CNTN5: variants seen among roughly 807,000 people sequenced by gnomAD.
The protein encoded by CNTN5 is contactin 5.
In CNTN5, 77 loss-of-function variants were observed where a neutral mutation model predicts 129.1. That is an observed-to-expected ratio of 0.60 (90% confidence interval 0.50 to 0.72). The LOEUF (loss-of-function observed/expected upper bound fraction) is 0.72. Ranked by LOEUF, CNTN5 falls within the 30% of genes least tolerant of loss-of-function variation. The probability of loss-of-function intolerance (pLI) is 0.00; values close to 1 mark genes in which losing one functional copy is unlikely to be tolerated. For missense variants in CNTN5, 1,478 were observed against 1,328.8 expected (o/e 1.11, Z -1.75); for synonymous variants, 509 against 465.6 (o/e 1.09, Z -1.20).
intron 9 of CNTN5, among the ~76,000 whole-genome samples, chr11:100,009,776 T>C (rs1369567367): frequency 6.6e-6 from 1 of 152,190 alleles, no homozygotes; most frequent in Non-Finnish European, 1.5e-5. Flanking sequence ...AGAAATGATC[T>C]GGGTCAGGAT....
intron 2 of CNTN5, among the ~76,000 whole-genome samples, chr11:99,421,158 A>G (rs549143281): frequency 6.7e-6 from 1 of 149,182 alleles, no homozygotes; most frequent in African/African-American, 2.6e-5. Flanking sequence ...TTTCCGCCTA[A>G]TAAATATTCA....
chr11:99,207,545 A>G (rs1323052411), intron 1 of CNTN5, among the ~76,000 whole-genome samples: 1 of 152,200 alleles, frequency 6.6e-6, no homozygotes, highest in Admixed American at 6.5e-5. Flanking sequence ...TAACATCACT[A>G]TAACAAGGTT....
intron 1 of CNTN5, among the ~76,000 whole-genome samples, chr11:99,080,986 T>TTTTG (rs1276887007): frequency 2.6e-5 from 4 of 151,250 alleles, no homozygotes; most frequent in African/African-American, 9.7e-5. Flanking sequence ...ATCAGTTTTT[T>TTTTG]TTTTTTTTTT....
Position 100,191,229 on chromosome 11 carries a change from A to G in CNTN5, c.1684A>G (p.Ile562Val), listed in dbSNP as rs1426222262. 5 of 1,612,584 alleles carry G rather than the reference A, an allele frequency of 3.1e-6. No individual in the cohort carries two copies. The African/African-American group carries it at 6.7e-5, about 22-fold the overall frequency. The change falls in exon 14 of 25, where the codon ATT becomes GTT. Residue 562 changes from isoleucine (I) to valine (V), a missense_variant. By Grantham distance (29) the Ile-to-Val change is conservative (BLOSUM62 3). Transcript: ENST00000524871. ...RGENVFGSAEIIASLSVKEPT... is the reference protein window; with the variant it reads ...RGENVFGSAEVIASLSVKEPT... ...GGAAAACGTCTTTGGTTCTGCTGAA[A>G]TTATAGCTTCGCTATCTGTAAAAGG...
At chr11:99,689,630 T>C (rs1953957252) in intron 3 of CNTN5, among the ~76,000 whole-genome samples, 1 of 149,522 alleles carries the variant, frequency 6.7e-6, no homozygotes, top group African/African-American at 2.4e-5. Flanking sequence ...TTCTAACTGG[T>C]GTGAGATGGT....
chr11:99,363,324 T>C (rs1439040136), intron 2 of CNTN5, among the ~76,000 whole-genome samples: 4 of 152,200 alleles, frequency 2.6e-5, no homozygotes, highest in Non-Finnish European at 5.9e-5. Flanking sequence ...CAAAAGTTTG[T>C]TAAATAAAAT....
intron 7 of CNTN5, among the ~76,000 whole-genome samples, chr11:99,947,877 G>GA (rs1240794221): frequency 6.6e-6 from 1 of 151,958 alleles, no homozygotes; most frequent in Non-Finnish European, 1.5e-5. Context: ...AATTCATAGT[G>GA]AAAAAATGTT....
At chr11:100,204,296 TAATATATATATATATATATATATA>T (rs1474787386) in intron 15 of CNTN5, among the ~76,000 whole-genome samples, 36 of 15,294 alleles carry the variant, frequency 2.4e-3, no homozygotes, top group African/African-American at 5.2e-3. Flanking sequence ...AAACATTGAC[TAATATATATATATATATATATATA>T]TATATATATA....
At chr11:99,897,664 A>G (rs1949242567) in intron 6 of CNTN5, among the ~76,000 whole-genome samples, 2 of 152,190 alleles carry the variant, frequency 1.3e-5, no homozygotes, top group Non-Finnish European at 2.9e-5. Flanking sequence ...TGTGGAAACT[A>G]AAGGATGATA....
chr11:99,901,211 C>A (rs1195611179), intron 6 of CNTN5, among the ~76,000 whole-genome samples: 1 of 152,106 alleles, frequency 6.6e-6, no homozygotes, highest in Non-Finnish European at 1.5e-5. Context: ...ATTGTCAATA[C>A]TTTTTAAATG....
At chr11:99,650,255 A>G (rs1464288581) in intron 3 of CNTN5, among the ~76,000 whole-genome samples, 1 of 151,968 alleles carries the variant, frequency 6.6e-6, no homozygotes, top group African/African-American at 2.4e-5. Context: ...TAGGCTACTC[A>G]TGTTCGGAGT....
intron 9 of CNTN5, among the ~76,000 whole-genome samples, chr11:100,053,531 A>G (rs983241057): frequency 1.3e-5 from 2 of 151,794 alleles, no homozygotes; most frequent in Non-Finnish European, 3.0e-5. Flanking sequence ...GTATCACTAC[A>G]GTACTACAAA....
At chr11:99,819,465 T>G in intron 3 of CNTN5, 79 bp from the exon 4 acceptor site, 1 of 1,291,808 alleles carries the variant, frequency 7.7e-7, no homozygotes, top group Non-Finnish European at 1.1e-6. Context: ...AGTAATGTCT[T>G]CAAAGAAACA....
intron 2 of CNTN5, among the ~76,000 whole-genome samples, chr11:99,339,111 T>C (rs1866393886): frequency 6.6e-6 from 1 of 151,394 alleles, no homozygotes; most frequent in Non-Finnish European, 1.5e-5. Flanking sequence ...CTATTTCACA[T>C]TGCATGCCTA....
At chr11:99,539,476 C>A (rs11220367) in intron 2 of CNTN5, among the ~76,000 whole-genome samples, 1 of 151,548 alleles carries the variant, frequency 6.6e-6, no homozygotes. Flanking sequence ...AAATCTTAAG[C>A]TGAAAGAGAA....
intron 1 of CNTN5, among the ~76,000 whole-genome samples, chr11:99,174,929 G>A (rs187948239): frequency 6.6e-6 from 1 of 152,156 alleles, no homozygotes; most frequent in East Asian, 1.9e-4. Flanking sequence ...TAGCTCTAAT[G>A]TATTCAAAAT....
intron 3 of CNTN5, among the ~76,000 whole-genome samples, chr11:99,631,000 G>A (rs1951327470): frequency 6.6e-6 from 1 of 152,098 alleles, no homozygotes; most frequent in African/African-American, 2.4e-5. Flanking sequence ...TCATAAAAAG[G>A]TAGAGTTAGG....
chr11:99,510,996 A>G (rs1946813639), intron 2 of CNTN5, among the ~76,000 whole-genome samples: 1 of 152,162 alleles, frequency 6.6e-6, no homozygotes, highest in Non-Finnish European at 1.5e-5. Context: ...AGACAGTGAT[A>G]CTGATGATCC....
intron 1 of CNTN5, among the ~76,000 whole-genome samples, chr11:99,099,546 GTA>G (rs936741561): frequency 4.0e-5 from 3 of 75,288 alleles, no homozygotes; most frequent in Non-Finnish European, 4.9e-5. Context: ...AATATAATGT[GTA>G]TACACACACA....
Sources: gnomAD v4.1 joint callset for allele counts (sites outside exome capture counted in the v4.1 genomes callset) on GRCh38, gnomAD v4.1.1 for gene constraint, MANE v1.5 for transcripts, NCBI Gene and HGNC (gene_info 2026-07-23, HGNC 2026-07-21) for gene names.